SORCS1: variants seen among roughly 807,000 people sequenced by gnomAD.
SORCS1 encodes the protein VPS10 domain-containing receptor SorCS1.
A neutral mutation model predicts 146.1 loss-of-function variants in SORCS1; 60 were observed. That is an observed-to-expected ratio of 0.41 (90% CI 0.33 to 0.51). The LOEUF is 0.51. Among genes scored for constraint, SORCS1 ranks in the 20% least tolerant of loss-of-function variants. The pLI is 0.21. For synonymous variants in SORCS1, 637 were observed against 584.0 expected, an observed-to-expected ratio of 1.09 and a Z score of -1.31; for missense variants, 1,352 against 1,487.6, an observed-to-expected ratio of 0.91 and a Z score of 1.50.
At chr10:106,783,513 GGAAA>G (rs757544340) in intron 3 of SORCS1, among the ~76,000 whole-genome samples, 33 of 152,046 alleles carry the variant, frequency 2.2e-4, no homozygotes, top group Admixed American at 3.9e-4. Flanking sequence ...AAAAAGAGAG[GGAAA>G]GAGATTTAAA....
intron 2 of SORCS1, among the ~76,000 whole-genome samples, chr10:106,903,711 G>C (rs1225914541): frequency 6.6e-6 from 1 of 152,162 alleles, no homozygotes; most frequent in Non-Finnish European, 1.5e-5. Flanking sequence ...ATTCTCAGTA[G>C]GACAAAGGGA....
At chr10:106,957,207 C>T (rs546609957) in intron 1 of SORCS1, among the ~76,000 whole-genome samples, 31 of 143,200 alleles carry the variant, frequency 2.2e-4, no homozygotes, top group Admixed American at 4.4e-4. Flanking sequence ...TTCGCTCGCT[C>T]GTGTTGCCCA....
intron 1 of SORCS1, among the ~76,000 whole-genome samples, chr10:107,002,958 A>G (rs1957278481): frequency 6.6e-6 from 1 of 152,186 alleles, no homozygotes; most frequent in Non-Finnish European, 1.5e-5. Flanking sequence ...ACTCATTACT[A>G]TAAAAAGTTG....
At chr10:106,727,286 T>C (rs1042136680) in intron 6 of SORCS1, among the ~76,000 whole-genome samples, 2 of 152,190 alleles carry the variant, frequency 1.3e-5, no homozygotes, top group African/African-American at 4.8e-5. Flanking sequence ...TATGCCATCA[T>C]TCAACATATG....
chr10:106,819,679 C>T (rs1403435489), intron 3 of SORCS1, among the ~76,000 whole-genome samples: 3 of 152,150 alleles, frequency 2.0e-5, no homozygotes, highest in Non-Finnish European at 4.4e-5. Flanking sequence ...CACACCCCCA[C>T]ACTTGAGTCA....
intron 24 of SORCS1, among the ~76,000 whole-genome samples, chr10:106,593,956 T>A (rs1845761064): frequency 6.6e-6 from 1 of 152,208 alleles, no homozygotes; most frequent in Non-Finnish European, 1.5e-5. Flanking sequence ...ACTACAAACA[T>A]GAATTGGAAA....
chr10:107,120,722 G>A (rs146345676), intron 1 of SORCS1, among the ~76,000 whole-genome samples: 4 of 152,126 alleles, frequency 2.6e-5, no homozygotes, highest in Non-Finnish European at 4.4e-5. Flanking sequence ...TGCTTAAACC[G>A]GCCATGCATC....
intron 2 of SORCS1, among the ~76,000 whole-genome samples, chr10:106,948,834 G>A (rs541766314): frequency 6.6e-4 from 101 of 152,058 alleles, no homozygotes; most frequent in Non-Finnish European, 1.1e-3. Flanking sequence ...GGTGGCAGGC[G>A]CCTGTAGTCC....
chr10:106,601,380 G>A (rs961482728), intron 23 of SORCS1, among the ~76,000 whole-genome samples: 1 of 152,096 alleles, frequency 6.6e-6, no homozygotes, highest in Non-Finnish European at 1.5e-5. Flanking sequence ...AAACAATCAC[G>A]CCATAGAAAC....
At chr10:106,809,505 G>A (rs762145747) in intron 3 of SORCS1, among the ~76,000 whole-genome samples, 6 of 151,900 alleles carry the variant, frequency 3.9e-5, no homozygotes, top group Non-Finnish European at 7.4e-5. Context: ...AAGACATGAC[G>A]GCCAAAATGC....
intron 1 of SORCS1, among the ~76,000 whole-genome samples, chr10:107,135,109 T>C (rs112132807): frequency 2.6e-5 from 4 of 152,342 alleles, no homozygotes; most frequent in African/African-American, 9.6e-5. Context: ...AAGGGGACTG[T>C]GGGAAAGAAC....
chr10:106,697,108 C>T (rs1176891721), intron 9 of SORCS1, among the ~76,000 whole-genome samples: 1 of 152,104 alleles, frequency 6.6e-6, no homozygotes, highest in Non-Finnish European at 1.5e-5. Context: ...TTCAACAAAA[C>T]ATACTTCAAG....
Position 106,739,656 on chromosome 10 carries a change from A to AT in SORCS1, c.960-9543_960-9542insA, listed in dbSNP as rs530723010. On this transcript the variant is annotated intron_variant, in intron 5 of 25. Coordinates refer to ENST00000263054, the MANE Select transcript of SORCS1 (RefSeq NM_052918.5). ...CCCCGTCTCTACTAAAAATACAAAA[A>AT]AAATATATATATATAGCTGGGTGTG... 2.3e-3 allele frequency among the ~76,000 whole-genome samples: 349 copies of AT among 150,326 alleles called. 4 individuals carry two copies. Among genetic ancestry groups the AT allele is most frequent in the African/African-American group, 8.2e-3 (334 of 40,880 alleles).
chr10:106,965,104 G>A (rs542070271), intron 1 of SORCS1, among the ~76,000 whole-genome samples: 14 of 152,026 alleles, frequency 9.2e-5, no homozygotes, highest in Admixed American at 2.6e-4. Context: ...CAATGTCCAC[G>A]TGTCCCCTCT....
intron 2 of SORCS1, among the ~76,000 whole-genome samples, chr10:106,858,892 C>G (rs552931707): frequency 2.6e-5 from 4 of 152,232 alleles, no homozygotes; most frequent in Non-Finnish European, 5.9e-5. Flanking sequence ...TACAAACACA[C>G]AGTTGTCTGT....
At chr10:106,832,111 G>A (rs1041268660) in intron 2 of SORCS1, among the ~76,000 whole-genome samples, 1 of 151,312 alleles carries the variant, frequency 6.6e-6, no homozygotes, top group Non-Finnish European at 1.5e-5. Flanking sequence ...TAGCTTGTTT[G>A]AGGGAATTCC....
At chr10:106,743,002 CT>C (rs1232510401) in intron 5 of SORCS1, among the ~76,000 whole-genome samples, 1 of 152,146 alleles carries the variant, frequency 6.6e-6, no homozygotes, top group East Asian at 1.9e-4. Context: ...CTCATGTAAA[CT>C]CCTTGGCCAA....
At chr10:106,630,288 A>G (rs1486891175) in intron 18 of SORCS1, among the ~76,000 whole-genome samples, 2 of 152,202 alleles carry the variant, frequency 1.3e-5, no homozygotes, top group Admixed American at 6.5e-5. Context: ...ATGCTTTAGC[A>G]TTTCAAGCTA....
At chr10:106,631,100 A>C (rs2133589381) in intron 18 of SORCS1, among the ~76,000 whole-genome samples, 1 of 152,346 alleles carries the variant, frequency 6.6e-6, no homozygotes, top group East Asian at 1.9e-4. Flanking sequence ...TAAAATGTTG[A>C]CATTTAAAAG....
Sources: gnomAD v4.1 joint callset for allele counts (sites outside exome capture counted in the v4.1 genomes callset) on GRCh38, gnomAD v4.1.1 for gene constraint, MANE v1.5 for transcripts, NCBI Gene and HGNC (gene_info 2026-07-23, HGNC 2026-07-21) for gene names.